The following TDRD10 variants were observed in gnomAD, a reference collection of about 807,000 sequenced individuals.
The protein encoded by TDRD10 is tudor domain containing 10, also known as tudor domain-containing protein 10.
A neutral mutation model predicts 48.0 loss-of-function variants in TDRD10; 40 were observed. The observed-to-expected ratio is 0.83, with a 90% CI of 0.65 to 1.09. The LOEUF is 1.09. TDRD10 is among the 50% of genes least tolerant of loss of function. TDRD10 has a pLI of 0.00. For synonymous variants in TDRD10, 162 were observed against 170.4 expected, an observed-to-expected ratio of 0.95 and a Z score of 0.38; for missense variants, 378 against 434.7, an observed-to-expected ratio of 0.87 and a Z score of 1.16.
chr1:154,507,105 TG>T, intron 2 of TDRD10, 135 bp from the exon 3 acceptor site: 1 of 1,527,912 alleles, frequency 6.5e-7, no homozygotes, highest in African/African-American at 1.4e-5. Flanking sequence ...AACCTGATTC[TG>T]GGAGGAGGAA....
intron 6 of TDRD10, among the ~76,000 whole-genome samples, chr1:154,529,765 G>C (rs770725656): frequency 2.6e-5 from 4 of 151,726 alleles, no homozygotes; most frequent in Non-Finnish European, 5.9e-5. Flanking sequence ...GGCTGGTCTT[G>C]AACTCCTGAC....
rs538338689 is a variant in TDRD10, at chr1:154,516,290, C to G, written c.142-4014C>G. ...AGTATTAATATGGCGAGTTTGTATGCTCATCCAGTGGAGAGGGAAACAGGT... is the reference window on the plus strand; with the variant it reads ...AGTATTAATATGGCGAGTTTGTATGGTCATCCAGTGGAGAGGGAAACAGGT... On this transcript the variant is annotated intron_variant, in intron 4 of 12. Transcript: ENST00000368482. Among the ~76,000 whole-genome samples, 70 of 152,180 alleles carry G rather than the reference C, an allele frequency of 4.6e-4. 1 individual carries two copies. Among genetic ancestry groups the G allele is most frequent in the South Asian group, 4.6e-3 (22 of 4,814 alleles).
chr1:154,528,608 A>G (rs1454959203), intron 6 of TDRD10, among the ~76,000 whole-genome samples: 2 of 152,072 alleles, frequency 1.3e-5, no homozygotes, highest in Non-Finnish European at 2.9e-5. Context: ...TGGGAGGCTG[A>G]GGCAGGCGGA....
chr1:154,530,041 G>A (rs61812654), intron 6 of TDRD10, among the ~76,000 whole-genome samples: 19,783 of 151,470 alleles, frequency 0.13, 1,471 homozygotes, highest in South Asian at 0.18. Flanking sequence ...CAGAGTCTTC[G>A]CTCTTGTTGC....
At chr1:154,533,891 A>ATT (rs1302276615) in intron 6 of TDRD10, among the ~76,000 whole-genome samples, 33 of 54,074 alleles carry the variant, frequency 6.1e-4, no homozygotes, top group African/African-American at 1.5e-3. Context: ...ATATATATAT[A>ATT]TATTTTTTTT....
chr1:154,522,327 C>T (rs1032793164), intron 6 of TDRD10, among the ~76,000 whole-genome samples: 6 of 152,052 alleles, frequency 3.9e-5, no homozygotes, highest in Non-Finnish European at 8.8e-5. Context: ...TAACTCATGG[C>T]CTTAAGTGCA....
At position 154,544,828 on chromosome 1, in the gene TDRD10, T is replaced by A. The variant is rs575187113; in HGVS notation, c.831T>A (p.Ala277=). 19 of 1,614,224 alleles carry A rather than the reference T, an allele frequency of 1.2e-5. No individual in the cohort carries two copies. The highest frequency in any genetic ancestry group is 1.5e-5 in the Non-Finnish European group (18 of 1,180,042). The change falls in exon 11 of 13, where the codon GCT becomes GCA. Residue 277 remains alanine, a synonymous_variant. Coordinates refer to ENST00000368482, the MANE Select transcript of TDRD10 (RefSeq NM_182499.4). ...TGCTGGACAGGGTGGACACCTGGGC[T>A]GTGGTCATGTTCATTGATTTTGGAC... ...CWVLDRVDTW[A]VVMFIDFGQL... is the part of the protein sequence containing the mutation.
chr1:154,545,995 G>T (rs1033284082), intron 11 of TDRD10, among the ~76,000 whole-genome samples: 1 of 131,890 alleles, frequency 7.6e-6, no homozygotes, highest in African/African-American at 3.0e-5. Flanking sequence ...GACTGGTCTC[G>T]AACTCCTGAC....
At chr1:154,515,110 C>T (rs1693687921) in intron 4 of TDRD10, among the ~76,000 whole-genome samples, 1 of 152,038 alleles carries the variant, frequency 6.6e-6, no homozygotes, top group Admixed American at 6.6e-5. Context: ...TCAAATGATC[C>T]ACCCACCTCA....
Position 154,546,390 on chromosome 1 carries a change from A to T in TDRD10, c.953-1019A>T, listed in dbSNP as rs369937503. On this transcript the variant is annotated intron_variant, in intron 11 of 12. Coordinates refer to ENST00000368482, the MANE Select transcript of TDRD10 (RefSeq NM_182499.4). ...CCCGGCCAAAATATATATATATATA[A>T]AATATATGTATAATGTAATTTATAT... Among the ~76,000 whole-genome samples the T allele has an allele frequency of 2.4e-3, 234 of 99,070 alleles. 1 individual carries two copies. The highest frequency in any genetic ancestry group is 6.5e-3 in the African/African-American group (197 of 30,526). The allele number at this position is 99,070 out of a possible 152,430, so 65.0% of individuals were successfully genotyped here. A position where few individuals can be genotyped will look rare whatever the true frequency, so the allele number is the denominator to read the frequency against.
In TDRD10 at chr1:154,542,054, G is replaced by A. The variant is rs1455003273; in HGVS notation, c.400G>A (p.Gly134Ser). ...VLEKASGEGF[G>S]KTAAIIQLAP... ...GGAGAAGGCTTCTGGTGAAGGATTT[G>A]GCAAAACCGCCGGTGAGATTCTGCG... Residue 134 changes from glycine to serine, a missense_variant, in exon 7 of 13, where the codon GGC (glycine) becomes AGC (serine). By Grantham distance (56) the Gly-to-Ser change is moderately conservative (BLOSUM62 0). Coordinates refer to ENST00000368482, the MANE Select transcript of TDRD10 (RefSeq NM_182499.4). The A allele has an allele frequency of 6.2e-7, 1 of 1,613,848 alleles. No homozygotes were observed. Among genetic ancestry groups the A allele is most frequent in the Admixed American group, 1.7e-5 (1 of 59,988 alleles).
At chr1:154,543,899 A>G in intron 8 of TDRD10, 64 bp from the exon 9 acceptor site, 2 of 1,596,160 alleles carry the variant, frequency 1.3e-6, no homozygotes, top group East Asian at 2.2e-5. Context: ...GCGTTGGTCC[A>G]GTCGTTCCTT....
intron 6 of TDRD10, among the ~76,000 whole-genome samples, chr1:154,533,257 A>G (rs1198197381): frequency 6.6e-6 from 1 of 151,708 alleles, no homozygotes; most frequent in Non-Finnish European, 1.5e-5. Context: ...TGTTGGTGGC[A>G]TTTAGCTGGA....
rs906121153 is a variant in TDRD10 at position 154,542,684 on chromosome 1, C to T, written c.413-47C>T. 3.9e-6 allele frequency: 6 copies of T among 1,528,230 alleles called. No homozygotes were observed. In the African/African-American group the frequency reaches 4.1e-5, roughly 10 times the overall value. 94.7% of individuals were successfully genotyped at this position (1,528,230 alleles called of 1,614,324 possible). ...CTTGTGGGTTAGGGGAGCAATTCCT[C>T]TCTGGGTAGTTCTGGTGCCTCCAGG... On this transcript the variant is annotated intron_variant, in intron 7 of 12. Coordinates refer to ENST00000368482, the MANE Select transcript of TDRD10 (RefSeq NM_182499.4).
chr1:154,510,259 AAT>A (rs1491375367), intron 4 of TDRD10, among the ~76,000 whole-genome samples: 4 of 132,046 alleles, frequency 3.0e-5, no homozygotes, highest in East Asian at 2.4e-4. Context: ...AAAAAAAAAA[AAT>A]TTTGAATGGT....
rs1693273119 is a variant in TDRD10, at chr1:154,508,499, T to C, written c.141+18T>C. ...TTTCTAAGGTATTTATTCTTCACAA[T>C]AGGCTGCTTATCTTCCTTGGCCTTC... On this transcript the variant is annotated intron_variant, in intron 4 of 12. Coordinates refer to ENST00000368482, the MANE Select transcript of TDRD10 (RefSeq NM_182499.4). The C allele has an allele frequency of 6.4e-7, 1 of 1,551,836 alleles. No individual in the cohort carries two copies. The highest frequency in any genetic ancestry group is 8.9e-7 in the Non-Finnish European group (1 of 1,123,276).
chr1:154,534,588 A>C (rs1694820786), intron 6 of TDRD10: 1 of 152,232 alleles, frequency 6.6e-6, no homozygotes, highest in Admixed American at 6.5e-5. Context: ...CCAGATGCTC[A>C]CTGTTTTCGT....
intron 4 of TDRD10, among the ~76,000 whole-genome samples, chr1:154,513,375 A>G (rs1248523178): frequency 6.6e-6 from 1 of 152,202 alleles, no homozygotes. Context: ...AGAGCAAACA[A>G]TCCTAGTGAA....
chr1:154,506,098 A>T (rs1693136268), intron 1 of TDRD10, among the ~76,000 whole-genome samples: 1 of 152,224 alleles, frequency 6.6e-6, no homozygotes, highest in Non-Finnish European at 1.5e-5. Context: ...ATAACAAAAT[A>T]CTACAACCTT....
Sources: gnomAD v4.1 joint callset for allele counts (sites outside exome capture counted in the v4.1 genomes callset) on GRCh38, gnomAD v4.1.1 for gene constraint, MANE v1.5 for transcripts, NCBI Gene and HGNC (gene_info 2026-07-23, HGNC 2026-07-21) for gene names.